EML1: variants seen among roughly 807,000 people sequenced by gnomAD.
The protein encoded by EML1 is echinoderm microtubule-associated protein-like 1.
A neutral mutation model predicts 110.4 loss-of-function variants in EML1; 27 were observed. The ratio of observed to expected loss-of-function variants is 0.24; its 90% CI spans 0.18 to 0.34. The LOEUF is 0.34. EML1 is among the 10% of genes least tolerant of loss of function. The pLI is 1.00. For synonymous variants in EML1, 344 were observed against 385.8 expected (o/e 0.89, Z 1.27); for missense variants, 741 against 1,030.9 (o/e 0.72, Z 3.85).
intron 1 of EML1, among the ~76,000 whole-genome samples, chr14:99,839,920 C>G (rs987905348): frequency 1.3e-5 from 2 of 152,176 alleles, no homozygotes; most frequent in African/African-American, 4.8e-5. Context: ...AGAAATAAAG[C>G]TGGAGCCCAG....
chr14:99,840,696 C>T (rs564000939), intron 1 of EML1, among the ~76,000 whole-genome samples: 5 of 152,218 alleles, frequency 3.3e-5, no homozygotes, highest in African/African-American at 4.8e-5. Context: ...CTTTAACCTC[C>T]GGGAATAGCA....
rs186632087 is a variant in EML1, at chr14:99,766,870, G to A, written c.28+29010G>A. Among the ~76,000 whole-genome samples the A allele has an allele frequency of 3.9e-5, 6 of 152,220 alleles. No individual in the cohort carries two copies. In the East Asian group the frequency reaches 7.7e-4, roughly 20 times the overall value. ...AATGTTTGCATGGAGAGAGAGGGTC[G>A]GCCGCTAATGGAGAGAGGCTGGCCA... On this transcript the variant is annotated intron_variant, in intron 1 of 10. Coordinates refer to the EML1 transcript ENST00000554479.
chr14:99,841,858 C>A (rs183987642), intron 1 of EML1, among the ~76,000 whole-genome samples: 8 of 152,274 alleles, frequency 5.3e-5, no homozygotes, highest in African/African-American at 1.4e-4. Context: ...CCCATAGACG[C>A]AGTTACACAC....
chr14:99,894,102 A>G (rs2059633285), intron 5 of EML1, among the ~76,000 whole-genome samples: 1 of 152,154 alleles, frequency 6.6e-6, no homozygotes, highest in Non-Finnish European at 1.5e-5. Context: ...GCATCCTAGC[A>G]TGCACTTCTG....
chr14:99,750,337 G>A (rs1413404164), intron 1 of EML1, among the ~76,000 whole-genome samples: 2 of 152,206 alleles, frequency 1.3e-5, no homozygotes, highest in Admixed American at 1.3e-4. Context: ...TCCAGGGAGA[G>A]GTGCTGGCAG....
intron 6 of EML1, 25 bp downstream of exon 6, chr14:99,894,783 C>G: frequency 1.3e-6 from 2 of 1,598,274 alleles, no homozygotes; most frequent in South Asian, 1.1e-5. Flanking sequence ...TTGATTAGGT[C>G]TCACATGAAG....
chr14:99,915,988 G>A (rs2060028098), intron 15 of EML1, among the ~76,000 whole-genome samples: 1 of 152,252 alleles, frequency 6.6e-6, no homozygotes, highest in African/African-American at 2.4e-5. Context: ...CAAGGGGCAG[G>A]CACTGCCACT....
chr14:99,835,225 A>T (rs1443001317), intron 1 of EML1, among the ~76,000 whole-genome samples: 2 of 152,156 alleles, frequency 1.3e-5, no homozygotes, highest in Non-Finnish European at 2.9e-5. Context: ...AAGAATGTGT[A>T]TATTTTATCT....
At chr14:99,930,229 C>A (rs904951765) in intron 17 of EML1, among the ~76,000 whole-genome samples, 4 of 152,222 alleles carry the variant, frequency 2.6e-5, no homozygotes, top group African/African-American at 9.6e-5. Context: ...GAAACTTTAG[C>A]AGCAGTTGAG....
At chr14:99,863,766 C>T (rs895106280) in intron 2 of EML1, among the ~76,000 whole-genome samples, 3 of 152,190 alleles carry the variant, frequency 2.0e-5, no homozygotes, top group South Asian at 2.1e-4. Context: ...CCGTTTTTGA[C>T]GATTGTAAAT....
intron 17 of EML1, among the ~76,000 whole-genome samples, chr14:99,934,001 A>G (rs1283941095): frequency 6.6e-6 from 1 of 152,250 alleles, no homozygotes; most frequent in Non-Finnish European, 1.5e-5. Flanking sequence ...AGGCTGAGGC[A>G]GGAGAATCAC....
chr14:99,914,824 A>G, intron 15 of EML1, 127 bp downstream of exon 15: 1 of 1,289,966 alleles, frequency 7.8e-7, no homozygotes, highest in Non-Finnish European at 1.0e-6. Flanking sequence ...ATCTATTTAG[A>G]GTTGCCTTAA....
In EML1 at chr14:99,927,960, G is replaced by A. The variant is rs1340524489; in HGVS notation, c.1909+7083G>A. ...GGTGATGGTGGTGGTGGTGGAGGTGGTGGTGGTGGTGATGGTGGTGGTGGT... is the reference window on the plus strand; with the variant it reads ...GGTGATGGTGGTGGTGGTGGAGGTGATGGTGGTGGTGATGGTGGTGGTGGT... On this transcript the variant is annotated intron_variant, in intron 17 of 21. Transcript: ENST00000262233. 1.9e-5 allele frequency among the ~76,000 whole-genome samples: 2 copies of A among 105,466 alleles called. 1 individual carries two copies. The highest frequency in any genetic ancestry group is 3.9e-5 in the Non-Finnish European group (2 of 51,794). 69.2% of individuals were successfully genotyped at this position (105,466 alleles called of 152,430 possible). A position where few individuals can be genotyped will look rare whatever the true frequency, so the allele number is the denominator to read the frequency against.
At chr14:99,795,131 C>A (rs533489852) in intron 1 of EML1, among the ~76,000 whole-genome samples, 2 of 152,226 alleles carry the variant, frequency 1.3e-5, no homozygotes, top group African/African-American at 4.8e-5. Context: ...GCTTGATTTG[C>A]GATATGAAAA....
In EML1 at chr14:99,875,671, T is replaced by C. The variant is rs951841390; in HGVS notation, c.384-2814T>C. Among the ~76,000 whole-genome samples the C allele has an allele frequency of 2.6e-5, 4 of 152,286 alleles. No individual in the cohort carries two copies. In the East Asian group the frequency reaches 7.7e-4, roughly 29 times the overall value. ...AATCTCCCAGGGCCCCGGCAGCTGGTTGGGCAAAGTGTGCATCAGAGCCTT... is the reference window on the plus strand; with the variant it reads ...AATCTCCCAGGGCCCCGGCAGCTGGCTGGGCAAAGTGTGCATCAGAGCCTT... On this transcript the variant is annotated intron_variant, in intron 3 of 21. Coordinates refer to ENST00000262233, the MANE Select transcript of EML1 (RefSeq NM_004434.3).
chr14:99,752,629 C>T (rs376761670), intron 1 of EML1, among the ~76,000 whole-genome samples: 130 of 152,252 alleles, frequency 8.5e-4, no homozygotes, highest in African/African-American at 2.7e-3. Flanking sequence ...GCAGTGCCTG[C>T]CTTGGGGCTT....
Position 99,798,991 on chromosome 14 carries a change from G to A in EML1, c.67+5448G>A, listed in dbSNP as rs1187057425. Among the ~76,000 whole-genome samples the A allele has an allele frequency of 2.0e-5, 3 of 152,150 alleles. No individual in the cohort carries two copies. The East Asian group carries it at 5.8e-4, about 29-fold the overall frequency. ...ATTGACCATTGCCTTACAGGGTTGT[G>A]ATTGTGGTTAATAGCCTTTTTTCTT... On this transcript the variant is annotated intron_variant, in intron 1 of 21. Coordinates refer to ENST00000262233, the MANE Select transcript of EML1 (RefSeq NM_004434.3).
Position 99,898,480 on chromosome 14 carries a change from G to A in EML1, c.897+178G>A, listed in dbSNP as rs143643071. Among the ~76,000 whole-genome samples the A allele has an allele frequency of 2.1e-3, 327 of 152,112 alleles. 2 individuals carry two copies. Among genetic ancestry groups the A allele is most frequent in the Non-Finnish European group, 3.8e-3 (260 of 67,986 alleles). On this transcript the variant is annotated intron_variant, in intron 8 of 21. Coordinates refer to ENST00000262233, the MANE Select transcript of EML1 (RefSeq NM_004434.3). ...GAAGACTTATTGTGTGGCAGGGTGCGGTGGCTCACGCCTGTAATCCCAGCA... is the reference window on the plus strand; with the variant it reads ...GAAGACTTATTGTGTGGCAGGGTGCAGTGGCTCACGCCTGTAATCCCAGCA...
At chr14:99,773,908 T>TCGTAAAGCCGGCCTCTGCC (rs2057453767) in exon 1 of EML1, 1 of 152,286 alleles carries the variant, frequency 6.6e-6, no homozygotes, top group African/African-American at 2.4e-5. Context: ...GGCGCTCTGC[T>TCGTAAAGCCGGCCTCTGCC]CGTAAAGCCG....
Sources: allele counts gnomAD v4.1 joint callset (sites outside exome capture counted in the v4.1 genomes callset), GRCh38; gene constraint gnomAD v4.1.1; transcripts MANE v1.5; gene names NCBI Gene and HGNC (gene_info 2026-07-23, HGNC 2026-07-21).